Variants in ZNF117 observed in about 807,000 individuals in gnomAD.
ZNF117 encodes Krueppel-related zinc finger protein.
ZNF117 carries 37 observed loss-of-function variants against 41.2 expected under a neutral mutation model. That is an observed-to-expected ratio of 0.90 (90% CI 0.69 to 1.18). The LOEUF is 1.18. Ranked by LOEUF, ZNF117 falls within the 50% of genes most tolerant of loss-of-function variation. The probability of loss-of-function intolerance (pLI) is 0.00; values close to 1 mark genes in which losing one functional copy is unlikely to be tolerated. For synonymous variants in ZNF117, 186 were observed against 186.6 expected (o/e 1.00, Z 0.02); for missense variants, 546 against 557.5 (o/e 0.98, Z 0.21).
At chr7:64,989,224 AATAG>A (rs1786199824) in intron 1 of ZNF117, among the ~76,000 whole-genome samples, 1 of 151,070 alleles carries the variant, frequency 6.6e-6, no homozygotes, top group Admixed American at 6.6e-5. Flanking sequence ...CAAGAAACAG[AATAG>A]ATAGCCAATA....
At chr7:64,978,861 G>C in exon 3 of ZNF117, 1 of 1,613,566 alleles carries the variant, frequency 6.2e-7, no homozygotes, top group Non-Finnish European at 8.5e-7. Context: ...CTTATGTTCA[G>C]TAAGCTTTGA....
At chr7:64,986,632 G>A (rs1469307921), upstream of ZNF117, among the ~76,000 whole-genome samples, 2 of 152,124 alleles carry the variant, frequency 1.3e-5, no homozygotes, top group Non-Finnish European at 2.9e-5. Flanking sequence ...AAATTTTCTT[G>A]TGGGCAAAAT....
At chr7:64,987,950 G>A (rs988604732) in intron 1 of ZNF117, among the ~76,000 whole-genome samples, 1 of 151,740 alleles carries the variant, frequency 6.6e-6, no homozygotes, top group Non-Finnish European at 1.5e-5. Flanking sequence ...CTCCAAAACT[G>A]AATTAGTAAT....
chr7:64,984,808 T>A (rs950151247), upstream of ZNF117, among the ~76,000 whole-genome samples: 2 of 152,218 alleles, frequency 1.3e-5, no homozygotes, highest in Non-Finnish European at 2.9e-5. Context: ...GTTTTTTTGT[T>A]TTGAAACAGT....
chr7:64,976,598 T>A, exon 3 of ZNF117: 1 of 223,950 alleles, frequency 4.5e-6, no homozygotes. Context: ...TGCTTTCCTG[T>A]GCTATAAGGT....
chr7:64,971,843 G>T (rs1608713), downstream of ZNF117: 2 of 152,010 alleles, frequency 1.3e-5, no homozygotes, highest in African/African-American at 4.8e-5. Context: ...AGATACGTTA[G>T]ATTACTTGAA....
upstream of ZNF117, among the ~76,000 whole-genome samples, chr7:64,982,490 C>T (rs376480094): frequency 5.6e-4 from 85 of 152,280 alleles, no homozygotes; most frequent in African/African-American, 1.8e-3. Context: ...AAAGGTACCT[C>T]GCAAGTTTTA....
At chr7:64,990,501 G>C (rs1234487296) in exon 1 of ZNF117, 1 of 170,838 alleles carries the variant, frequency 5.9e-6, no homozygotes, top group Non-Finnish European at 1.2e-5. Flanking sequence ...AACCTGCGAG[G>C]TGAGAAAGCA....
At chr7:64,975,936 A>G (rs1785876775) in exon 3 of ZNF117, 1 of 152,190 alleles carries the variant, frequency 6.6e-6, no homozygotes, top group Admixed American at 6.5e-5. Flanking sequence ...TTTTCTAAGC[A>G]GTAGTTTTTG....
rs966504870 is a variant in ZNF117 at position 64,990,901 on chromosome 7, A to G, written c.-1150T>C. ...TTTCCCTTTACTTGTTTTTCCTTTT[A>G]TATTTCCTGCTTCATTCCCCCCTTT... On this transcript the variant is annotated 5_prime_UTR_variant, in exon 1 of 4. The change abolishes the stop of an existing upstream ORF in the 5' untranslated region. Transcript: ENST00000282869. 2.4e-5 allele frequency: 5 copies of G among 205,750 alleles called. No homozygotes were observed. Among genetic ancestry groups the G allele is most frequent in the Admixed American group, 5.6e-5 (1 of 17,940 alleles). 12.7% of individuals were successfully genotyped at this position (205,750 alleles called of 1,614,324 possible).
exon 3 of ZNF117, chr7:64,978,856 G>A (rs1213527398): frequency 1.2e-6 from 2 of 1,613,466 alleles, no homozygotes; most frequent in African/African-American, 1.3e-5. Flanking sequence ...ATTAACTTAT[G>A]TTCAGTAAGC....
At chr7:64,980,164 G>A (rs1254974101) in intron 2 of ZNF117, 1 of 152,164 alleles carries the variant, frequency 6.6e-6, no homozygotes, top group Non-Finnish European at 1.5e-5. Flanking sequence ...TTTCAGACAA[G>A]ACACATCCTA....
At chr7:64,974,245 ATT>A (rs1323332923), downstream of ZNF117, 1 of 151,870 alleles carries the variant, frequency 6.6e-6, no homozygotes, top group African/African-American at 2.4e-5. Flanking sequence ...TATAAAAATC[ATT>A]CTTATAATCC....
chr7:64,985,236 A>T (rs909212891), upstream of ZNF117, among the ~76,000 whole-genome samples: 29 of 152,228 alleles, frequency 1.9e-4, no homozygotes, highest in Admixed American at 1.9e-3. Flanking sequence ...TCAAGTAATA[A>T]ATATAAACCA....
At chr7:64,977,241 C>T (rs1785912070) in exon 3 of ZNF117, 2 of 416,038 alleles carry the variant, frequency 4.8e-6, no homozygotes, top group Admixed American at 3.2e-5. Context: ...GGATTTCTCT[C>T]CTGTATGAAT....
At chr7:64,981,635 T>C (rs558465902) in intron 1 of ZNF117, among the ~76,000 whole-genome samples, 153 bp from the exon 3 acceptor site, 83 of 152,170 alleles carry the variant, frequency 5.5e-4, no homozygotes, top group African/African-American at 1.8e-3. Context: ...ATTTAGAAAA[T>C]ATTTTAAATT....
rs1212281599 is a variant in ZNF117, at chr7:64,974,552, A to G, written c.*3567T>C. On this transcript the variant is annotated 3_prime_UTR_variant, in exon 3 of 3. Coordinates refer to ENST00000620222, the Ensembl canonical transcript of ZNF117. ...ATAGGTACAAACTCACACTCACACAAAAACAGTCCATAACTTTCTTGCACT... is the reference window on the plus strand; with the variant it reads ...ATAGGTACAAACTCACACTCACACAGAAACAGTCCATAACTTTCTTGCACT... The G allele has an allele frequency of 3.3e-5, 5 of 152,024 alleles. No individual in the cohort carries two copies. In the South Asian group the frequency reaches 6.2e-4, roughly 19 times the overall value. The allele number at this position is 152,024 out of a possible 1,614,324, so 9.4% of individuals were successfully genotyped here.
chr7:64,982,441 T>C (rs969758037), upstream of ZNF117, among the ~76,000 whole-genome samples: 2 of 152,132 alleles, frequency 1.3e-5, no homozygotes, highest in Non-Finnish European at 2.9e-5. Flanking sequence ...ACAGAATGAG[T>C]TGTGTGTATT....
rs1368799534 is a variant in ZNF117 at position 64,991,029 on chromosome 7, C to T, written c.-1278G>A. The T allele has an allele frequency of 1.4e-5, 7 of 504,934 alleles. No homozygotes were observed. Among genetic ancestry groups the T allele is most frequent in the Admixed American group, 1.1e-4 (3 of 28,206 alleles). 31.3% of individuals were successfully genotyped at this position (504,934 alleles called of 1,614,324 possible). On this transcript the variant is annotated 5_prime_UTR_variant, in exon 1 of 4. The change abolishes an upstream ATG in the 5' untranslated region. Transcript: ENST00000282869. ...GCAGGGGTTAATACTTAGTTAGGGC[C>T]ATTAGTCGTGTGGTAGTCCGTCTGT...
Sources: allele counts gnomAD v4.1 joint callset (sites outside exome capture counted in the v4.1 genomes callset), GRCh38; gene constraint gnomAD v4.1.1; transcripts MANE v1.5; gene names NCBI Gene and HGNC (gene_info 2026-07-23, HGNC 2026-07-21).